Variants in SNAP29 observed in about 807,000 individuals in gnomAD.
SNAP29 encodes the protein synaptosome associated protein 29.
Under a neutral mutation model 27.9 loss-of-function variants are expected in SNAP29, and 13 were observed. The ratio of observed to expected loss-of-function variants is 0.47; its 90% CI spans 0.30 to 0.74. SNAP29 has a LOEUF of 0.74. SNAP29 is among the 30% of genes least tolerant of loss of function. The pLI, the probability that SNAP29 is intolerant of heterozygous loss-of-function variation, is 0.06. For missense variants in SNAP29, 368 were observed against 336.5 expected (o/e 1.09, Z -0.73); for synonymous variants, 119 against 127.1 (o/e 0.94, Z 0.43).
Position 20,888,161 on chromosome 22 carries a change from G to A in SNAP29, c.*325G>A. The stretch of plus-strand genomic sequence containing the variant: ...CATTTCTCATTTTAATGAGCATATG[G>A]AAAGATGGGAACAGAATTTCAGTCT... On this transcript the variant is annotated 3_prime_UTR_variant, in exon 5 of 5. Transcript: ENST00000215730. 1 of 364,238 alleles carries A rather than the reference G, an allele frequency of 2.7e-6. No individual in the cohort carries two copies. Among genetic ancestry groups the A allele is most frequent in the South Asian group, 2.3e-5 (1 of 44,322 alleles). 22.6% of individuals were successfully genotyped at this position (364,238 alleles called of 1,614,324 possible). A position where few individuals can be genotyped will look rare whatever the true frequency, so the allele number is the denominator to read the frequency against.
intron 2 of SNAP29, among the ~76,000 whole-genome samples, chr22:20,872,344 G>A (rs1014959194): frequency 1.3e-5 from 2 of 151,854 alleles, no homozygotes; most frequent in Non-Finnish European, 2.9e-5. Flanking sequence ...AGGTTAAAGC[G>A]ATTCTCCTGC....
chr22:20,887,694 G>C lies in SNAP29; in HGVS notation c.635G>C (p.Gly212Ala). 2 of 1,614,182 alleles carry C rather than the reference G, an allele frequency of 1.2e-6. No homozygotes were observed. The highest frequency in any genetic ancestry group is 2.2e-5 in the East Asian group (1 of 44,870). Reference protein sequence around the residue: ...IDSNLDELSMGLGRLKDIALG... With the variant: ...IDSNLDELSMALGRLKDIALG... ...CCTCCTGCAGATGAGCTGTCCATGG[G>C]ACTGGGTCGTCTGAAGGACATAGCC... is the stretch of plus-strand genomic sequence containing the variant. The change falls in exon 5 of 5, where the codon GGA becomes GCA. Residue 212 changes from glycine (G) to alanine (A), a missense_variant. Physicochemically the swap from Gly to Ala is moderately conservative, Grantham distance 60 (BLOSUM62 0). Coordinates refer to ENST00000215730, the MANE Select transcript of SNAP29 (RefSeq NM_004782.4).
intron 2 of SNAP29, chr22:20,871,005 T>G (rs1928577714): frequency 7.8e-6 from 2 of 257,090 alleles, no homozygotes; most frequent in Non-Finnish European, 1.5e-5. Context: ...GGTGCACACC[T>G]GTAGTCCCAG....
At position 20,871,245 on chromosome 22, in the gene SNAP29, T is replaced by G. The variant is rs184051338; in HGVS notation, c.434+712T>G. On this transcript the variant is annotated intron_variant, in intron 2 of 4. Transcript: ENST00000215730. ...TGGCTTATCTGTAAAATCCCATGCT[T>G]TCAGAGGCTAAGGTAGGAGGATTGT... Among the ~76,000 whole-genome samples the G allele has an allele frequency of 2.4e-3, 369 of 151,918 alleles. 2 individuals carry two copies. Among genetic ancestry groups the G allele is most frequent in the Non-Finnish European group, 4.5e-3 (305 of 67,936 alleles).
chr22:20,885,948 A>G (rs1929003920), intron 4 of SNAP29, among the ~76,000 whole-genome samples: 1 of 152,032 alleles, frequency 6.6e-6, no homozygotes, highest in Non-Finnish European at 1.5e-5. Flanking sequence ...GTGGTTTTAC[A>G]TTATCACACA....
intron 2 of SNAP29, among the ~76,000 whole-genome samples, chr22:20,872,918 C>T (rs970260360): frequency 4.4e-5 from 6 of 135,576 alleles, no homozygotes; most frequent in South Asian, 4.8e-4. Flanking sequence ...AAACCTCTGT[C>T]TCCCAGGTTC....
chr22:20,864,763 G>T (rs1928418590), intron 1 of SNAP29, among the ~76,000 whole-genome samples: 1 of 152,168 alleles, frequency 6.6e-6, no homozygotes, highest in Admixed American at 6.5e-5. Context: ...AGCGTTATTG[G>T]CGCTCCCAAA....
At chr22:20,866,565 A>G (rs1928465072) in intron 1 of SNAP29, among the ~76,000 whole-genome samples, 1 of 152,124 alleles carries the variant, frequency 6.6e-6, no homozygotes, top group African/African-American at 2.4e-5. Flanking sequence ...ACCTGATGTT[A>G]TAAGATGTGT....
At position 20,859,190 on chromosome 22, in the gene SNAP29, A is replaced by T. The variant is rs745376942; in HGVS notation, c.80A>T (p.Asp27Val). 1.2e-6 allele frequency: 2 copies of T among 1,602,814 alleles called. No individual in the cohort carries two copies. The highest frequency in any genetic ancestry group is 3.5e-5 in the Admixed American group (2 of 57,684). The change falls in exon 1 of 5, where the codon GAC becomes GTC. Residue 27 changes from aspartate to valine, a missense_variant. Transcript: ENST00000215730. ...GGCGCCCGGCCGGCCCCTTGGAGGG[A>T]CGCCCGAGACCTCCCCGACGGGCCC... The part of the protein sequence containing the change: ...DEGARPAPWR[D>V]ARDLPDGPDA...
chr22:20,874,367 A>C (rs1181419425), intron 2 of SNAP29, among the ~76,000 whole-genome samples: 1 of 124,698 alleles, frequency 8.0e-6, no homozygotes, highest in Non-Finnish European at 1.8e-5. Flanking sequence ...ACACACACAC[A>C]CACACACACA....
At chr22:20,877,116 C>T (rs1477873424) in intron 2 of SNAP29, among the ~76,000 whole-genome samples, 1 of 152,210 alleles carries the variant, frequency 6.6e-6, no homozygotes, top group Non-Finnish European at 1.5e-5. Flanking sequence ...TCACTTTTCT[C>T]AGTCTCCCTA....
intron 1 of SNAP29, among the ~76,000 whole-genome samples, chr22:20,861,858 C>T (rs1928330024): frequency 6.6e-6 from 1 of 152,156 alleles, no homozygotes; most frequent in South Asian, 2.1e-4. Flanking sequence ...TGGTCTTGAA[C>T]TCCTGACCTC....
chr22:20,862,354 C>A (rs910477272), intron 1 of SNAP29, among the ~76,000 whole-genome samples: 6 of 152,134 alleles, frequency 3.9e-5, no homozygotes, highest in African/African-American at 1.2e-4. Flanking sequence ...GCTTTTAAGG[C>A]TGAGGTTTAC....
intron 2 of SNAP29, among the ~76,000 whole-genome samples, chr22:20,874,173 G>GCT (rs1928667506): frequency 6.8e-6 from 1 of 147,684 alleles, no homozygotes; most frequent in Non-Finnish European, 1.5e-5. Context: ...TACTCGGGAG[G>GCT]GTGAGAAATG....
chr22:20,862,651 G>C (rs1928353772), intron 1 of SNAP29, among the ~76,000 whole-genome samples: 1 of 152,220 alleles, frequency 6.6e-6, no homozygotes. Flanking sequence ...GGGACAGTGA[G>C]AGCTGAGGCA....
intron 1 of SNAP29, among the ~76,000 whole-genome samples, chr22:20,865,022 AT>A (rs928280069): frequency 3.3e-5 from 5 of 152,160 alleles, no homozygotes; most frequent in Non-Finnish European, 5.9e-5. Flanking sequence ...TTCGGGATTT[AT>A]TTTTAATTAA....
intron 2 of SNAP29, among the ~76,000 whole-genome samples, chr22:20,875,689 T>A (rs1187889846): frequency 6.6e-6 from 1 of 152,228 alleles, no homozygotes; most frequent in Non-Finnish European, 1.5e-5. Flanking sequence ...ACACAGTGGC[T>A]CATGCCTGTT....
chr22:20,867,256 C>T (rs968048645), intron 1 of SNAP29, among the ~76,000 whole-genome samples: 3 of 152,170 alleles, frequency 2.0e-5, no homozygotes, highest in Admixed American at 1.3e-4. Flanking sequence ...GGAGCTCACT[C>T]CCCTAGCAGC....
intron 1 of SNAP29, among the ~76,000 whole-genome samples, chr22:20,860,204 A>AC (rs1276689889): frequency 6.7e-6 from 1 of 150,222 alleles, no homozygotes; most frequent in East Asian, 2.0e-4. Flanking sequence ...TAAAAAAAAA[A>AC]AAAAACTAGC....
Sources: gnomAD v4.1 joint callset for allele counts (sites outside exome capture counted in the v4.1 genomes callset) on GRCh38, gnomAD v4.1.1 for gene constraint, MANE v1.5 for transcripts, NCBI Gene and HGNC (gene_info 2026-07-23, HGNC 2026-07-21) for gene names.